PCDH11X: variants seen among roughly 807,000 people sequenced by gnomAD.
PCDH11X encodes the protein protocadherin-11 X-linked.
Under a neutral mutation model 53.3 loss-of-function variants are expected in PCDH11X, and 18 were observed. The ratio of observed to expected loss-of-function variants is 0.34; its 90% CI spans 0.23 to 0.50. PCDH11X has a LOEUF of 0.50. Ranked by LOEUF, PCDH11X falls within the 20% of genes least tolerant of loss-of-function variation. PCDH11X has a pLI of 0.98. For synonymous variants in PCDH11X, 279 were observed against 393.3 expected (o/e 0.71, Z 3.44); for missense variants, 570 against 1,032.4 (o/e 0.55, Z 6.14).
chrX:92,416,524 G>A (rs974455135), intron 9 of PCDH11X, among the ~76,000 whole-genome samples: 8 of 106,762 alleles, frequency 7.5e-5, no homozygotes, highest in African/African-American at 3.6e-5. Flanking sequence ...AGAAACAATG[G>A]AAGGCACGTG....
At chrX:92,013,577 C>T (rs1053836980) in intron 6 of PCDH11X, among the ~76,000 whole-genome samples, 1 of 111,844 alleles carries the variant, frequency 8.9e-6, no homozygotes, top group African/African-American at 3.3e-5. Flanking sequence ...ATTGACAAGT[C>T]AATCCTCAGC....
chrX:91,981,796 T>A (rs756032791), intron 6 of PCDH11X, among the ~76,000 whole-genome samples: 1 of 105,820 alleles, frequency 9.5e-6, no homozygotes, highest in Non-Finnish European at 1.9e-5. Context: ...TGTTGTTTTC[T>A]TTTTTTTAGG....
intron 6 of PCDH11X, among the ~76,000 whole-genome samples, chrX:92,070,528 T>C (rs1219409339): frequency 8.9e-6 from 1 of 111,920 alleles, no homozygotes; most frequent in Non-Finnish European, 1.9e-5. Flanking sequence ...AAAAGTTTGA[T>C]GCAAGATGTA....
intron 6 of PCDH11X, among the ~76,000 whole-genome samples, chrX:92,102,515 A>G (rs1405497000): frequency 1.8e-5 from 2 of 111,204 alleles, no homozygotes; most frequent in African/African-American, 3.3e-5. Context: ...TCAGCAGGGA[A>G]AGCATGTGTG....
At chrX:92,132,117 CAAAAAAAA>C (rs1213410170) in intron 6 of PCDH11X, among the ~76,000 whole-genome samples, 4 of 41,110 alleles carry the variant, frequency 9.7e-5, no homozygotes, top group Admixed American at 3.1e-4. Flanking sequence ...ACTAAAAATA[CAAAAAAAA>C]AAAAAAAAAA....
intron 4 of PCDH11X, among the ~76,000 whole-genome samples, chrX:91,817,207 T>C (rs1936482356): frequency 9.5e-6 from 1 of 105,063 alleles, no homozygotes; most frequent in South Asian, 4.5e-4. Flanking sequence ...TATTTACTCA[T>C]AACTATAAAA....
At chrX:92,532,718 C>T (rs1205779425) in intron 10 of PCDH11X, among the ~76,000 whole-genome samples, 1 of 107,781 alleles carries the variant, frequency 9.3e-6, no homozygotes, top group Non-Finnish European at 1.9e-5. Context: ...ACCAATTCTG[C>T]CCCTGTATTA....
chrX:92,570,346 T>A (rs1337804991), intron 10 of PCDH11X, among the ~76,000 whole-genome samples: 1 of 112,034 alleles, frequency 8.9e-6, no homozygotes, highest in Non-Finnish European at 1.9e-5. Flanking sequence ...TGAAATACTA[T>A]TATAGTTTAT....
At chrX:91,780,518 G>T (rs973461823) in intron 1 of PCDH11X, among the ~76,000 whole-genome samples, 10 of 112,449 alleles carry the variant, frequency 8.9e-5, no homozygotes, top group Non-Finnish European at 1.7e-4. Context: ...CTAAAGAAAT[G>T]ACTTGTAATC....
chrX:92,618,960 A>G lies in PCDH11X; in HGVS notation c.*20A>G, dbSNP rs773903838. 12 of 1,204,507 alleles carry G rather than the reference A, an allele frequency of 1.0e-5. No individual in the cohort carries two copies. The Admixed American group carries it at 1.8e-4, about 18-fold the overall frequency. ...TTGTAAAGCTAAAATAGTTACTTCA[A>G]ATTTTCAGAAAAGATGTATATAGTC... On this transcript the variant is annotated 3_prime_UTR_variant, in exon 11 of 11. Coordinates refer to ENST00000682573, the MANE Select transcript of PCDH11X (RefSeq NM_032968.5).
chrX:92,256,049 A>T (rs1231575424), intron 7 of PCDH11X, among the ~76,000 whole-genome samples: 1 of 112,091 alleles, frequency 8.9e-6, no homozygotes. Context: ...GCCGCCTTGC[A>T]GTTTGATCTC....
intron 7 of PCDH11X, among the ~76,000 whole-genome samples, chrX:92,218,000 A>C (rs1320985981): frequency 9.3e-6 from 1 of 108,013 alleles, no homozygotes; most frequent in Non-Finnish European, 1.9e-5. Context: ...GTTCTTTGAA[A>C]CCAATGAGAA....
At chrX:91,906,529 G>A (rs111806050) in intron 6 of PCDH11X, among the ~76,000 whole-genome samples, 2,053 of 110,884 alleles carry the variant, frequency 0.019, 65 homozygotes, top group African/African-American at 0.065. Flanking sequence ...ATAGAGGTCT[G>A]AGTTGAAGCC....
intron 6 of PCDH11X, among the ~76,000 whole-genome samples, chrX:91,978,221 T>C: frequency 9.1e-6 from 1 of 109,674 alleles, no homozygotes; most frequent in Non-Finnish European, 1.9e-5. Context: ...CCCGTTAGCC[T>C]GAGTGGTCTT....
chrX:91,994,107 T>G (rs1461883839), intron 6 of PCDH11X, among the ~76,000 whole-genome samples: 1 of 95,048 alleles, frequency 1.1e-5, no homozygotes, highest in South Asian at 5.8e-4. Context: ...AGGTATACAT[T>G]GTTATGTTTT....
intron 6 of PCDH11X, among the ~76,000 whole-genome samples, chrX:91,975,534 G>A (rs1309482770): frequency 9.0e-6 from 1 of 111,074 alleles, no homozygotes. Context: ...CATGAGACTG[G>A]TTATCACCAA....
rs763076433 is a variant in PCDH11X, at chrX:92,564,958, A to C, written c.3368-53306A>C. 4.5e-5 allele frequency among the ~76,000 whole-genome samples: 5 copies of C among 111,111 alleles called. No individual in the cohort carries two copies. In the East Asian group the frequency reaches 1.4e-3, roughly 31 times the overall value. On this transcript the variant is annotated intron_variant, in intron 10 of 10. Transcript: ENST00000682573. ...TTATAATCTGATAAAATAAGAACAG[A>C]AGATCTGAATAGACATTTCTCAAAA... is the stretch of plus-strand genomic sequence containing the variant.
intron 8 of PCDH11X, among the ~76,000 whole-genome samples, chrX:92,266,633 A>G (rs766489795): frequency 8.9e-6 from 1 of 112,350 alleles, no homozygotes; most frequent in Admixed American, 9.4e-5. Flanking sequence ...GTCATAGTTC[A>G]TTCATTCTTT....
At position 92,429,532 on chromosome X, in the gene PCDH11X, C is replaced by G. The variant is rs2072202205; in HGVS notation, c.3344-38767C>G. 2.8e-5 allele frequency among the ~76,000 whole-genome samples: 3 copies of G among 106,496 alleles called. No homozygotes were observed. The Admixed American group carries it at 3.1e-4, about 11-fold the overall frequency. The allele number at this position is 106,496 out of a possible 115,157, so 92.5% of individuals were successfully genotyped here. A position where few individuals can be genotyped will look rare whatever the true frequency, so the allele number is the denominator to read the frequency against. Reference sequence around the variant, plus strand: ...ACCCCCAGCTAACGAAAAGCTAGGACAGGTAGTGTTTTCATTGCTTTTGTA... The same window carrying G: ...ACCCCCAGCTAACGAAAAGCTAGGAGAGGTAGTGTTTTCATTGCTTTTGTA... On this transcript the variant is annotated intron_variant, in intron 9 of 10. Transcript: ENST00000682573.
Sources: gnomAD v4.1 joint callset for allele counts (sites outside exome capture counted in the v4.1 genomes callset) on GRCh38, gnomAD v4.1.1 for gene constraint, MANE v1.5 for transcripts, NCBI Gene and HGNC (gene_info 2026-07-23, HGNC 2026-07-21) for gene names.